The following UNC13C variants were observed in gnomAD, a reference collection of about 807,000 sequenced individuals.
The protein encoded by UNC13C is protein unc-13 homolog C.
A neutral mutation model predicts 245.4 loss-of-function variants in UNC13C; 174 were observed. The ratio of observed to expected loss-of-function variants is 0.71; its 90% CI spans 0.63 to 0.80. UNC13C has a LOEUF of 0.80. Ranked by LOEUF, UNC13C falls within the 30% of genes least tolerant of loss-of-function variation. The pLI is 0.00. For missense variants in UNC13C, 2,829 were observed against 2,602.9 expected (o/e 1.09, Z -1.89); for synonymous variants, 992 against 895.1 (o/e 1.11, Z -1.93).
intron 2 of UNC13C, among the ~76,000 whole-genome samples, chr15:54,059,536 T>G (rs1897706000): frequency 6.6e-6 from 1 of 152,220 alleles, no homozygotes; most frequent in African/African-American, 2.4e-5. Flanking sequence ...ATGGCCATAC[T>G]GTCCAAGGTA....
chr15:54,212,405 A>C (rs898284598), intron 4 of UNC13C, among the ~76,000 whole-genome samples: 1 of 152,148 alleles, frequency 6.6e-6, no homozygotes, highest in Non-Finnish European at 1.5e-5. Flanking sequence ...TTCTTATCTA[A>C]GTCCAGAGAA....
At chr15:54,584,991 A>G (rs975984098) in intron 30 of UNC13C, among the ~76,000 whole-genome samples, 4 of 152,182 alleles carry the variant, frequency 2.6e-5, no homozygotes, top group Non-Finnish European at 5.9e-5. Flanking sequence ...AGTAAAACCA[A>G]TTTTGGCCTA....
At chr15:53,965,787 A>G in the UNC13C span, among the ~76,000 whole-genome samples, 14 of 152,048 alleles carry the variant, frequency 9.2e-5, no homozygotes, top group South Asian at 1.0e-3. Context: ...TCATTGTTCA[A>G]TTCCCACCTA....
At chr15:54,525,276 A>T (rs1895395729) in intron 24 of UNC13C, among the ~76,000 whole-genome samples, 1 of 152,122 alleles carries the variant, frequency 6.6e-6, no homozygotes, top group South Asian at 2.1e-4. Context: ...CTTGCATCTC[A>T]TTGCTATAAC....
chr15:54,038,313 G>T (rs528000566), intron 2 of UNC13C, among the ~76,000 whole-genome samples: 1 of 150,946 alleles, frequency 6.6e-6, no homozygotes, highest in South Asian at 2.1e-4. Context: ...TGTATTTTTA[G>T]TAGAGGTGGA....
intron 13 of UNC13C, among the ~76,000 whole-genome samples, chr15:54,314,656 C>T (rs1307673116): frequency 6.6e-6 from 1 of 151,576 alleles, no homozygotes. Flanking sequence ...ACTTCAGAAA[C>T]ATTGGCAAAA....
intron 4 of UNC13C, among the ~76,000 whole-genome samples, chr15:54,172,483 A>G (rs1372808816): frequency 6.6e-6 from 1 of 151,562 alleles, no homozygotes; most frequent in African/African-American, 2.4e-5. Context: ...TTAGCTCAGC[A>G]TAACGTGGTT....
intron 4 of UNC13C, among the ~76,000 whole-genome samples, chr15:54,156,258 G>C (rs1352090299): frequency 6.6e-6 from 1 of 152,088 alleles, no homozygotes; most frequent in African/African-American, 2.4e-5. Flanking sequence ...TTTGCTTTGA[G>C]AATTTTTACA....
rs559877257 is a variant in UNC13C at position 54,355,937 on chromosome 15, G to A, written c.4713+17448G>A. The stretch of plus-strand genomic sequence containing the variant: ...GATATGTTTGTATATATGAAGACAC[G>A]TACACATACAGATATATGAATCACC... On this transcript the variant is annotated intron_variant, in intron 17 of 32. Coordinates refer to ENST00000260323, the MANE Select transcript of UNC13C (RefSeq NM_001080534.3). Among the ~76,000 whole-genome samples, 59 of 152,120 alleles carry A rather than the reference G, an allele frequency of 3.9e-4. No individual in the cohort carries two copies. The East Asian group carries it at 5.8e-3, about 15-fold the overall frequency.
At chr15:54,404,419 A>C (rs1351273687) in intron 18 of UNC13C, among the ~76,000 whole-genome samples, 1 of 152,158 alleles carries the variant, frequency 6.6e-6, no homozygotes, top group East Asian at 1.9e-4. Flanking sequence ...TTCAAGATTT[A>C]AAACATTTGT....
At chr15:54,209,112 C>T (rs951764477) in intron 4 of UNC13C, among the ~76,000 whole-genome samples, 1 of 152,114 alleles carries the variant, frequency 6.6e-6, no homozygotes. Flanking sequence ...CCCTCTGCTC[C>T]TCCTCCCACT....
At chr15:54,126,798 G>C (rs1344100448) in intron 2 of UNC13C, among the ~76,000 whole-genome samples, 1 of 152,100 alleles carries the variant, frequency 6.6e-6, no homozygotes, top group African/African-American at 2.4e-5. Flanking sequence ...GAAAATTTTT[G>C]CAATCTATCC....
chr15:54,312,842 T>A (rs1361047193), intron 13 of UNC13C, among the ~76,000 whole-genome samples: 3 of 151,792 alleles, frequency 2.0e-5, no homozygotes, highest in Non-Finnish European at 2.9e-5. Flanking sequence ...TCTGTCAGGT[T>A]AGTGTTTTAG....
At chr15:54,220,246 C>T (rs984434024) in intron 4 of UNC13C, among the ~76,000 whole-genome samples, 6 of 150,248 alleles carry the variant, frequency 4.0e-5, no homozygotes, top group Admixed American at 4.0e-4. Context: ...CACATATACA[C>T]CATGGAATAC....
At chr15:54,423,352 T>G (rs11853893) in intron 19 of UNC13C, among the ~76,000 whole-genome samples, 11,885 of 151,746 alleles carry the variant, frequency 0.078, 579 homozygotes, top group Non-Finnish European at 0.11. Context: ...CCACCTTAAA[T>G]CTCACAAAAT....
At chr15:54,409,852 T>C (rs2040381778) in intron 18 of UNC13C, among the ~76,000 whole-genome samples, 1 of 152,204 alleles carries the variant, frequency 6.6e-6, no homozygotes, top group Non-Finnish European at 1.5e-5. Flanking sequence ...CAAGTGCATG[T>C]GTCTTTTTGG....
chr15:54,115,241 A>G (rs921912035), intron 2 of UNC13C, among the ~76,000 whole-genome samples: 3 of 152,150 alleles, frequency 2.0e-5, no homozygotes, highest in African/African-American at 7.2e-5. Flanking sequence ...AATGAATTTT[A>G]GAAGACTACA....
chr15:54,447,346 G>A (rs1890873737), intron 19 of UNC13C, among the ~76,000 whole-genome samples: 1 of 152,178 alleles, frequency 6.6e-6, no homozygotes, highest in East Asian at 1.9e-4. Flanking sequence ...CAGAAGGAAT[G>A]GTACCACCTC....
At chr15:54,238,894 A>G (rs548822880) in intron 7 of UNC13C, among the ~76,000 whole-genome samples, 4 of 152,326 alleles carry the variant, frequency 2.6e-5, no homozygotes, top group African/African-American at 7.2e-5. Context: ...GCTTTAAAAC[A>G]TACAGTGATG....
Sources: gnomAD v4.1 joint callset for allele counts (sites outside exome capture counted in the v4.1 genomes callset) on GRCh38, gnomAD v4.1.1 for gene constraint, MANE v1.5 for transcripts, NCBI Gene and HGNC (gene_info 2026-07-23, HGNC 2026-07-21) for gene names.